TMEM132D: variants seen among roughly 807,000 people sequenced by gnomAD.
TMEM132D encodes the protein transmembrane protein 132D.
A neutral mutation model predicts 62.3 loss-of-function variants in TMEM132D; 21 were observed. The observed-to-expected ratio is 0.34, with a 90% confidence interval of 0.24 to 0.49. TMEM132D has a LOEUF of 0.49. Among genes scored for constraint, TMEM132D ranks in the 20% least tolerant of loss-of-function variants. The probability of loss-of-function intolerance (pLI) is 0.99; values close to 1 mark genes in which losing one functional copy is unlikely to be tolerated. For missense variants in TMEM132D, 1,346 were observed against 1,402.8 expected (o/e 0.96, Z 0.65); for synonymous variants, 621 against 575.6 (o/e 1.08, Z -1.13).
At chr12:129,415,878 G>T (rs1872105498) in intron 3 of TMEM132D, among the ~76,000 whole-genome samples, 1 of 152,070 alleles carries the variant, frequency 6.6e-6, no homozygotes, top group Non-Finnish European at 1.5e-5. Flanking sequence ...GTTCTCCTTT[G>T]GGGAGTTCAG....
chr12:129,259,804 T>C (rs537190581), intron 4 of TMEM132D, among the ~76,000 whole-genome samples: 27 of 152,304 alleles, frequency 1.8e-4, no homozygotes, highest in Middle Eastern at 3.4e-3. Context: ...GCAAAGCTAA[T>C]GTGACATTTG....
intron 5 of TMEM132D, among the ~76,000 whole-genome samples, chr12:129,206,239 G>A (rs1195669554): frequency 2.6e-5 from 4 of 152,058 alleles, no homozygotes; most frequent in African/African-American, 7.2e-5. Context: ...CACCTGTAAG[G>A]AAAATAAACA....
intron 1 of TMEM132D, among the ~76,000 whole-genome samples, chr12:129,750,134 G>T (rs919245845): frequency 6.6e-6 from 1 of 151,990 alleles, no homozygotes; most frequent in East Asian, 1.9e-4. Flanking sequence ...CACCCAGCCT[G>T]GAGTGCAGTG....
intron 2 of TMEM132D, among the ~76,000 whole-genome samples, chr12:129,660,467 G>A (rs1002029717): frequency 6.6e-6 from 1 of 152,102 alleles, no homozygotes; most frequent in Non-Finnish European, 1.5e-5. Context: ...ACCTGACATG[G>A]AGAACCCTGT....
chr12:129,732,230 G>A (rs1869273167), intron 1 of TMEM132D, among the ~76,000 whole-genome samples: 1 of 152,112 alleles, frequency 6.6e-6, no homozygotes, highest in Non-Finnish European at 1.5e-5. Flanking sequence ...GAATATATCT[G>A]TTCTTTTTCC....
At chr12:129,496,442 C>G (rs1164455207) in intron 3 of TMEM132D, among the ~76,000 whole-genome samples, 1 of 152,068 alleles carries the variant, frequency 6.6e-6, no homozygotes, top group African/African-American at 2.4e-5. Flanking sequence ...CTGCGACCCC[C>G]TGATGTCTAA....
chr12:129,514,126 A>C (rs1397157503), intron 3 of TMEM132D, among the ~76,000 whole-genome samples: 1 of 152,160 alleles, frequency 6.6e-6, no homozygotes, highest in East Asian at 1.9e-4. Flanking sequence ...GGCGTGAGCC[A>C]CCGAGCCCGG....
chr12:129,584,615 A>G (rs1018851386), intron 2 of TMEM132D, among the ~76,000 whole-genome samples: 10 of 152,214 alleles, frequency 6.6e-5, no homozygotes, highest in African/African-American at 2.2e-4. Flanking sequence ...TGCCATCCCA[A>G]CGGAGAGCAC....
At chr12:129,717,878 G>C (rs1868647861) in intron 1 of TMEM132D, among the ~76,000 whole-genome samples, 1 of 152,162 alleles carries the variant, frequency 6.6e-6, no homozygotes, top group African/African-American at 2.4e-5. Flanking sequence ...TGTCTCAAGT[G>C]CGCTCGTGCT....
intron 2 of TMEM132D, among the ~76,000 whole-genome samples, chr12:129,686,532 A>G (rs1839884): frequency 0.28 from 42,154 of 152,066 alleles, 6,111 homozygotes; most frequent in South Asian, 0.36. Context: ...TAAATTACCC[A>G]GTCTTGGGCA....
chr12:129,240,464 TAAG>T (rs1879907152), intron 4 of TMEM132D, among the ~76,000 whole-genome samples: 1 of 152,068 alleles, frequency 6.6e-6, no homozygotes, highest in Admixed American at 6.6e-5. Flanking sequence ...GCTGAATGAA[TAAG>T]AAGGTTAGAA....
intron 2 of TMEM132D, among the ~76,000 whole-genome samples, chr12:129,608,737 T>C (rs1374498449): frequency 1.3e-5 from 2 of 152,206 alleles, no homozygotes; most frequent in Non-Finnish European, 2.9e-5. Flanking sequence ...CTGTCATGCT[T>C]AGCATCCTCA....
intron 1 of TMEM132D, among the ~76,000 whole-genome samples, chr12:129,872,321 G>A (rs769798758): frequency 6.6e-6 from 1 of 152,088 alleles, no homozygotes; most frequent in Non-Finnish European, 1.5e-5. Context: ...GTTTACACAG[G>A]GGGAGGACAA....
At chr12:129,562,759 G>A (rs754674699) in intron 2 of TMEM132D, among the ~76,000 whole-genome samples, 1 of 152,078 alleles carries the variant, frequency 6.6e-6, no homozygotes, top group Non-Finnish European at 1.5e-5. Flanking sequence ...CATGTTAAAG[G>A]GCCCTTGCTC....
chr12:129,093,872 T>TAAA (rs1391471478), intron 5 of TMEM132D, among the ~76,000 whole-genome samples: 1 of 149,336 alleles, frequency 6.7e-6, no homozygotes, highest in Admixed American at 6.7e-5. Context: ...CCCTCAGAAA[T>TAAA]GCCGCATATC....
At chr12:129,249,497 G>A (rs1176405622) in intron 4 of TMEM132D, among the ~76,000 whole-genome samples, 1 of 152,224 alleles carries the variant, frequency 6.6e-6, no homozygotes, top group Non-Finnish European at 1.5e-5. Context: ...GAATGAGGTG[G>A]CAGGTACTTG....
At chr12:129,739,533 G>T (rs1370454109) in intron 1 of TMEM132D, among the ~76,000 whole-genome samples, 1 of 152,204 alleles carries the variant, frequency 6.6e-6, no homozygotes, top group African/African-American at 2.4e-5. Flanking sequence ...ACACAAATGG[G>T]ATTTCCTGGA....
At position 129,867,857 on chromosome 12, in the gene TMEM132D, G is replaced by A. The variant is rs1874104906; in HGVS notation, c.79+35404C>T. Among the ~76,000 whole-genome samples, 1 of 152,190 alleles carries A rather than the reference G, an allele frequency of 6.6e-6. No individual in the cohort carries two copies. Among genetic ancestry groups the A allele is most frequent in the Non-Finnish European group, 1.5e-5 (1 of 68,028 alleles). On this transcript the variant is annotated intron_variant, in intron 1 of 8. Coordinates refer to ENST00000422113, the MANE Select transcript of TMEM132D (RefSeq NM_133448.3). The surrounding 1 kb of genome is among the most constrained non-coding windows in gnomAD (Gnocchi z 4.5). ...GTTGACAGGGGCCAGAGATGGGTTG[G>A]GGTTGCTGGAAAAGGAGCAGAAGAA...
chr12:129,630,979 A>G (rs1683775291), intron 2 of TMEM132D, among the ~76,000 whole-genome samples: 1 of 152,176 alleles, frequency 6.6e-6, no homozygotes, highest in Non-Finnish European at 1.5e-5. Context: ...TTTCTGCATT[A>G]AGAAATGGAA....
Sources: allele counts gnomAD v4.1 joint callset (sites outside exome capture counted in the v4.1 genomes callset), GRCh38; gene constraint gnomAD v4.1.1; non-coding constraint Gnocchi (gnomAD v3.1); transcripts MANE v1.5; gene names NCBI Gene and HGNC (gene_info 2026-07-23, HGNC 2026-07-21).